L3MBTL3: variants seen among roughly 807,000 people sequenced by gnomAD.
L3MBTL3 encodes the protein lethal(3)malignant brain tumor-like protein 3.
A neutral mutation model predicts 102.3 loss-of-function variants in L3MBTL3; 27 were observed. That is an observed-to-expected ratio of 0.26 (90% CI 0.19 to 0.36). The LOEUF is 0.36. Ranked by LOEUF, L3MBTL3 falls within the 10% of genes least tolerant of loss-of-function variation. L3MBTL3 has a pLI of 1.00. For missense variants in L3MBTL3, 798 were observed against 955.3 expected (o/e 0.84, Z 2.17); for synonymous variants, 340 against 320.9 (o/e 1.06, Z -0.64).
intron 1 of L3MBTL3, among the ~76,000 whole-genome samples, chr6:130,019,992 CGCGGCGGCG>C: frequency 1.1e-5 from 1 of 94,064 alleles, no homozygotes; most frequent in African/African-American, 4.2e-5. Context: ...CGGCGGCGGT[CGCGGCGGCG>C]GCGGCCGCGC....
chr6:130,027,525 T>C (rs369409862), intron 2 of L3MBTL3, among the ~76,000 whole-genome samples: 7 of 152,288 alleles, frequency 4.6e-5, no homozygotes, highest in African/African-American at 1.7e-4. Flanking sequence ...TGTGGTCTAA[T>C]TGGGTGGACT....
chr6:130,131,966 T>C (rs1562341825), intron 20 of L3MBTL3, among the ~76,000 whole-genome samples: 2 of 152,216 alleles, frequency 1.3e-5, no homozygotes, highest in Non-Finnish European at 2.9e-5. Context: ...GGAATGCAGT[T>C]GTCTCAGACC....
intron 20 of L3MBTL3, among the ~76,000 whole-genome samples, chr6:130,128,149 G>A (rs1476160902): frequency 1.3e-5 from 2 of 152,068 alleles, no homozygotes; most frequent in Non-Finnish European, 2.9e-5. Context: ...TTGTATTTCT[G>A]ACTGTTATAA....
chr6:130,068,762 G>A (rs1178905629), intron 12 of L3MBTL3, among the ~76,000 whole-genome samples: 1 of 152,120 alleles, frequency 6.6e-6, no homozygotes, highest in Non-Finnish European at 1.5e-5. Context: ...GATTCACATA[G>A]CCAGATGAAG....
chr6:130,070,841 A>G (rs182072552), intron 12 of L3MBTL3, 135 bp from the exon 13 acceptor site: 2 of 388,754 alleles, frequency 5.1e-6, no homozygotes, highest in Middle Eastern at 4.1e-4. Flanking sequence ...CTGCTGTGAA[A>G]CTGGCATATG....
chr6:130,107,386 T>C (rs1279160417), intron 19 of L3MBTL3, among the ~76,000 whole-genome samples: 1 of 152,180 alleles, frequency 6.6e-6, no homozygotes, highest in African/African-American at 2.4e-5. Context: ...CTTGGATAAA[T>C]CAGCAGTATA....
At chr6:130,058,154 A>C (rs1267284200) in intron 9 of L3MBTL3, among the ~76,000 whole-genome samples, 9 of 37,676 alleles carry the variant, frequency 2.4e-4, no homozygotes, top group Non-Finnish European at 2.5e-4. Context: ...CGTCTCAAAA[A>C]AAAAAAAAAA....
intron 18 of L3MBTL3, among the ~76,000 whole-genome samples, chr6:130,102,524 A>G (rs1784753521): frequency 6.6e-6 from 1 of 152,196 alleles, no homozygotes; most frequent in South Asian, 2.1e-4. Context: ...ATCTTCCATC[A>G]GCTTCAGATG....
At chr6:130,094,539 C>A (rs9483082) in intron 18 of L3MBTL3, among the ~76,000 whole-genome samples, 172 bp downstream of exon 18, 26,212 of 152,128 alleles carry the variant, frequency 0.17, 2,800 homozygotes, top group Non-Finnish European at 0.24. Flanking sequence ...ATAGTAAAAT[C>A]TTCCTGGGAG....
chr6:130,034,985 T>C (rs1779962581), intron 2 of L3MBTL3, among the ~76,000 whole-genome samples: 1 of 152,214 alleles, frequency 6.6e-6, no homozygotes, highest in Non-Finnish European at 1.5e-5. Context: ...TAACGAGTAC[T>C]AGTTAAGTTA....
At chr6:130,138,816 T>A (rs571543736) in intron 22 of L3MBTL3, among the ~76,000 whole-genome samples, 2 of 152,302 alleles carry the variant, frequency 1.3e-5, no homozygotes, top group Admixed American at 1.3e-4. Flanking sequence ...AATGAAAGAC[T>A]GTTTCTTTGC....
chr6:130,028,244 A>G (rs1046075603), intron 2 of L3MBTL3, among the ~76,000 whole-genome samples: 2 of 152,202 alleles, frequency 1.3e-5, no homozygotes, highest in Non-Finnish European at 2.9e-5. Flanking sequence ...CTTTCTTTGC[A>G]CATGATCTCC....
At chr6:130,047,167 A>G (rs1780777550) in intron 3 of L3MBTL3, among the ~76,000 whole-genome samples, 1 of 152,138 alleles carries the variant, frequency 6.6e-6, no homozygotes, top group Non-Finnish European at 1.5e-5. Flanking sequence ...AGAAAGCTGT[A>G]TATGCACATA....
intron 14 of L3MBTL3, among the ~76,000 whole-genome samples, chr6:130,082,374 T>C (rs1783421123): frequency 6.6e-6 from 1 of 152,236 alleles, no homozygotes; most frequent in South Asian, 2.1e-4. Context: ...TTAGTTGATA[T>C]TTTCCTGCAA....
At chr6:130,073,035 T>C (rs1391311563) in intron 13 of L3MBTL3, among the ~76,000 whole-genome samples, 1 of 152,148 alleles carries the variant, frequency 6.6e-6, no homozygotes, top group East Asian at 1.9e-4. Flanking sequence ...TCATCTTATT[T>C]ACTGTGTTCT....
intron 3 of L3MBTL3, among the ~76,000 whole-genome samples, chr6:130,044,458 C>T (rs1444183681): frequency 1.3e-5 from 2 of 151,982 alleles, no homozygotes; most frequent in African/African-American, 4.8e-5. Flanking sequence ...TAGCTTTTAA[C>T]AATAGAGTGA....
At chr6:130,101,744 T>A (rs1428466006) in intron 18 of L3MBTL3, among the ~76,000 whole-genome samples, 1 of 152,210 alleles carries the variant, frequency 6.6e-6, no homozygotes, top group East Asian at 1.9e-4. Flanking sequence ...TTTTCTGGCC[T>A]TCCTGTTGAT....
chr6:130,078,530 G>A (rs9375704), intron 13 of L3MBTL3, 28 bp from the exon 14 acceptor site: 68 of 1,498,460 alleles, frequency 4.5e-5, no homozygotes, highest in Non-Finnish European at 5.9e-5. Flanking sequence ...CCTGATAATT[G>A]CAGTTTTTTA....
chr6:130,101,614 T>C (rs1328262316), intron 18 of L3MBTL3, among the ~76,000 whole-genome samples: 1 of 152,164 alleles, frequency 6.6e-6, no homozygotes, highest in African/African-American at 2.4e-5. Context: ...CACCAGGGCC[T>C]GGAAAGGGCA....
Sources: gnomAD v4.1 joint callset for allele counts (sites outside exome capture counted in the v4.1 genomes callset) on GRCh38, gnomAD v4.1.1 for gene constraint, MANE v1.5 for transcripts, NCBI Gene and HGNC (gene_info 2026-07-23, HGNC 2026-07-21) for gene names.